C9orf153: variants seen among roughly 807,000 people sequenced by gnomAD.
C9orf153 encodes the protein chromosome 9 open reading frame 153.
A neutral mutation model predicts 9.0 loss-of-function variants in C9orf153; 10 were observed. That is an observed-to-expected ratio of 1.11 (90% CI 0.69 to 1.89). C9orf153 has a LOEUF of 1.89. Among genes scored for constraint, C9orf153 ranks in the 40% most tolerant of loss-of-function variants. C9orf153 has a pLI of 0.00. For synonymous variants in C9orf153, 35 were observed against 37.3 expected (o/e 0.94, Z 0.23); for missense variants, 108 against 111.0 (o/e 0.97, Z 0.12).
rs367793280 is a variant in C9orf153 at position 86,251,942 on chromosome 9, C to CACACACACACACACACAT, written c.-27+7607_-27+7608insATGTGTGTGTGTGTGTGT. On this transcript the variant is annotated intron_variant, in intron 1 of 3. Coordinates refer to ENST00000339137, the MANE Select transcript of C9orf153 (RefSeq NM_001276366.4). ...ACACACACACACACACACACACACA[C>CACACACACACACACACAT]GAGAGAGAGAGAGGAGAGGGGGAGA... Among the ~76,000 whole-genome samples the CACACACACACACACACAT allele has an allele frequency of 3.3e-5, 5 of 149,752 alleles. No homozygotes were observed. In the South Asian group the frequency reaches 8.4e-4, roughly 25 times the overall value.
rs11418899 is a variant in C9orf153 at position 86,241,631 on chromosome 9, G to GT, written c.-26-12003dup. On this transcript the variant is annotated intron_variant, in intron 1 of 3. Transcript: ENST00000339137. ...TATAGGAAAAGTCGTACATTTCGTT[G>GT]TTTTTTTTTTCTGGAGATGGAGTCT... Among the ~76,000 whole-genome samples, 1,243 of 148,364 alleles carry GT rather than the reference G, an allele frequency of 8.4e-3. 14 individuals are homozygous for GT. The highest frequency in any genetic ancestry group is 0.027 in the African/African-American group (1,098 of 39,938).
At chr9:86,256,952 A>G (rs1220228653) in intron 1 of C9orf153, among the ~76,000 whole-genome samples, 3 of 152,174 alleles carry the variant, frequency 2.0e-5, no homozygotes, top group Non-Finnish European at 4.4e-5. Flanking sequence ...TGAGTACAGG[A>G]GTTCAAGACC....
intron 1 of C9orf153, among the ~76,000 whole-genome samples, chr9:86,255,915 G>C (rs746454976): frequency 6.6e-6 from 1 of 152,168 alleles, no homozygotes; most frequent in Non-Finnish European, 1.5e-5. Flanking sequence ...TTGCTCAGGG[G>C]ACTTGGGGAA....
At chr9:86,226,159 A>G (rs1234244376) in intron 3 of C9orf153, among the ~76,000 whole-genome samples, 2 of 152,156 alleles carry the variant, frequency 1.3e-5, no homozygotes, top group East Asian at 3.9e-4. Flanking sequence ...ACTGCTACTT[A>G]GGCAACGTAG....
intron 1 of C9orf153, among the ~76,000 whole-genome samples, chr9:86,257,269 T>C (rs1825139622): frequency 6.6e-6 from 1 of 152,182 alleles, no homozygotes; most frequent in Non-Finnish European, 1.5e-5. Context: ...CCAAAGCACC[T>C]GTGGCTCACT....
intron 1 of C9orf153, among the ~76,000 whole-genome samples, chr9:86,236,645 A>C (rs1477010371): frequency 6.6e-6 from 1 of 152,058 alleles, no homozygotes; most frequent in Non-Finnish European, 1.5e-5. Flanking sequence ...TCTTGCAAGA[A>C]ATGTTAAAGA....
intron 1 of C9orf153, among the ~76,000 whole-genome samples, chr9:86,235,259 C>T (rs138154976): frequency 4.8e-4 from 73 of 152,108 alleles, no homozygotes; most frequent in Middle Eastern, 3.4e-3. Context: ...TCATGGGAAA[C>T]GTAGACAGCA....
chr9:86,257,791 G>T (rs2131213145), intron 1 of C9orf153, among the ~76,000 whole-genome samples: 1 of 152,344 alleles, frequency 6.6e-6, no homozygotes, highest in East Asian at 1.9e-4. Context: ...GAGGGGAAAA[G>T]TCTGTGGTCT....
At chr9:86,233,605 C>T (rs770450765) in intron 1 of C9orf153, among the ~76,000 whole-genome samples, 6 of 151,876 alleles carry the variant, frequency 4.0e-5, no homozygotes, top group Non-Finnish European at 5.9e-5. Context: ...TTGGTAGAGT[C>T]GGGATTCTGC....
chr9:86,238,970 A>AC (rs1453325213), intron 1 of C9orf153, among the ~76,000 whole-genome samples: 8 of 151,634 alleles, frequency 5.3e-5, no homozygotes, highest in Admixed American at 2.6e-4. Context: ...TAAAAAAAAA[A>AC]AACAAACATA....
intron 1 of C9orf153, 142 bp downstream of exon 1, chr9:86,259,408 C>T (rs904492403): frequency 6.6e-6 from 1 of 152,300 alleles, no homozygotes; most frequent in Non-Finnish European, 1.5e-5. Context: ...ACCCAAATCC[C>T]ATCTCACCTC....
rs369599763 is a variant in C9orf153 at position 86,241,033 on chromosome 9, C to T, written c.-26-11404G>A. ...AATTTGCTTTTCTTTTGTGCCCCTA[C>T]CCCCTCTCCCCTGGCTTCTCATATT... is the stretch of plus-strand genomic sequence containing the variant. On this transcript the variant is annotated intron_variant, in intron 1 of 3. Transcript: ENST00000339137. Among the ~76,000 whole-genome samples the T allele has an allele frequency of 3.3e-5, 5 of 151,914 alleles. 1 individual carries two copies. The highest frequency in any genetic ancestry group is 4.2e-4 in the South Asian group (2 of 4,810).
At chr9:86,255,361 C>T (rs1402820918) in intron 1 of C9orf153, among the ~76,000 whole-genome samples, 1 of 152,204 alleles carries the variant, frequency 6.6e-6, no homozygotes, top group Non-Finnish European at 1.5e-5. Flanking sequence ...AGTAGCCCTG[C>T]AAAGTTGTCT....
chr9:86,221,526 T>G lies in C9orf153; in HGVS notation c.*162A>C. 1 of 1,363,314 alleles carries G rather than the reference T, an allele frequency of 7.3e-7. No homozygotes were observed. Among genetic ancestry groups the G allele is most frequent in the East Asian group, 2.8e-5 (1 of 35,204 alleles). The allele number at this position is 1,363,314 out of a possible 1,614,324, so 84.5% of individuals were successfully genotyped here. ...ATTCCATTTAAGAGAATAACTTCCT[T>G]CATTTTGATAATCAATTTGAGGATA... is the stretch of plus-strand genomic sequence containing the variant. On this transcript the variant is annotated 3_prime_UTR_variant, in exon 4 of 4. Transcript: ENST00000339137.
intron 1 of C9orf153, among the ~76,000 whole-genome samples, chr9:86,253,493 C>T (rs1310635749): frequency 3.3e-5 from 5 of 152,158 alleles, no homozygotes; most frequent in Non-Finnish European, 5.9e-5. Flanking sequence ...TTTCAAGAGG[C>T]TTTTAAAAGC....
At chr9:86,240,707 CTTTTTTTTTTTT>C (rs367674249) in intron 1 of C9orf153, among the ~76,000 whole-genome samples, 1 of 117,012 alleles carries the variant, frequency 8.5e-6, no homozygotes, top group African/African-American at 3.0e-5. Flanking sequence ...TTTTCTTTTT[CTTTTTTTTTTTT>C]TTTTTTTGAG....
intron 1 of C9orf153, among the ~76,000 whole-genome samples, chr9:86,237,876 C>T (rs1267914605): frequency 1.3e-5 from 2 of 151,988 alleles, no homozygotes; most frequent in Non-Finnish European, 2.9e-5. Flanking sequence ...GTCAGGAGTT[C>T]GAGATCAGCC....
At chr9:86,244,972 G>T (rs1391604405) in intron 1 of C9orf153, among the ~76,000 whole-genome samples, 1 of 152,156 alleles carries the variant, frequency 6.6e-6, no homozygotes, top group Admixed American at 6.5e-5. Flanking sequence ...TGTCGCCCAG[G>T]CTGGAGTGCA....
chr9:86,230,503 G>A (rs1824447023), intron 1 of C9orf153, among the ~76,000 whole-genome samples: 1 of 152,176 alleles, frequency 6.6e-6, no homozygotes, highest in Non-Finnish European at 1.5e-5. Flanking sequence ...GTTTCACCGT[G>A]TTGGTCAGGC....
Sources: gnomAD v4.1 joint callset for allele counts (sites outside exome capture counted in the v4.1 genomes callset) on GRCh38, gnomAD v4.1.1 for gene constraint, MANE v1.5 for transcripts, NCBI Gene and HGNC (gene_info 2026-07-23, HGNC 2026-07-21) for gene names.